LHX8: variants seen among roughly 807,000 people sequenced by gnomAD.
The protein encoded by LHX8 is LIM/homeobox protein Lhx8.
In LHX8, 12 loss-of-function variants were observed where a neutral mutation model predicts 40.3. The ratio of observed to expected loss-of-function variants is 0.30; its 90% CI spans 0.19 to 0.48. The LOEUF is 0.48. LHX8 is among the 20% of genes least tolerant of loss of function. LHX8 has a pLI of 0.99. For missense variants in LHX8, 344 were observed against 433.7 expected (o/e 0.79, Z 1.84); for synonymous variants, 179 against 162.0 (o/e 1.10, Z -0.80).
At chr1:75,149,837 C>T (rs1307777010) in intron 7 of LHX8, among the ~76,000 whole-genome samples, 1 of 152,146 alleles carries the variant, frequency 6.6e-6, no homozygotes, top group Non-Finnish European at 1.5e-5. Flanking sequence ...AATGAGCCAC[C>T]ATGCCCAGCT....
At chr1:75,188,672 C>T in the LHX8 span, among the ~76,000 whole-genome samples, 1 of 152,158 alleles carries the variant, frequency 6.6e-6, no homozygotes, top group Admixed American at 6.5e-5. Context: ...AGGAGAATTC[C>T]TTAATGTTCT....
At chr1:75,164,878 C>T (rs1001959806), downstream of LHX8, among the ~76,000 whole-genome samples, 2 of 151,886 alleles carry the variant, frequency 1.3e-5, no homozygotes, top group African/African-American at 2.4e-5. Context: ...TATAATATGA[C>T]GCACAGGCTG....
At chr1:75,140,893 T>G (rs1403051116) in intron 3 of LHX8, 92 bp from the exon 4 acceptor site, 1 of 1,252,780 alleles carries the variant, frequency 8.0e-7, no homozygotes, top group Non-Finnish European at 1.2e-6. Flanking sequence ...GTTAATATAT[T>G]AAGGGGCCAG....
At chr1:75,164,555 T>G (rs1486974760), downstream of LHX8, among the ~76,000 whole-genome samples, 1 of 152,194 alleles carries the variant, frequency 6.6e-6, no homozygotes, top group African/African-American at 2.4e-5. Context: ...AATGTTGCAC[T>G]AAATTACATC....
chr1:75,189,177 C>A, the LHX8 span, among the ~76,000 whole-genome samples: 639 of 152,320 alleles, frequency 4.2e-3, 4 homozygotes, highest in African/African-American at 0.015. Context: ...CTGGCTTCTG[C>A]CTGCACCATC....
chr1:75,176,470 C>T, the LHX8 span, among the ~76,000 whole-genome samples: 1 of 152,172 alleles, frequency 6.6e-6, no homozygotes, highest in Non-Finnish European at 1.5e-5. Flanking sequence ...TAAATGTCTT[C>T]TTTTGAGAAG....
In LHX8 at chr1:75,156,890, C is replaced by T; in HGVS notation, c.781-3C>T. 1.9e-6 allele frequency: 3 copies of T among 1,614,156 alleles called. No homozygotes were observed. The highest frequency in any genetic ancestry group is 2.5e-6 in the Non-Finnish European group (3 of 1,179,998). ...TACTTCTGTTGCTTTTCTCCCTGCT[C>T]AGGTGTGGTTTCAGAATTGTAGAGC... is the stretch of plus-strand genomic sequence containing the variant. On this transcript the variant is annotated splice_region_variant and splice_polypyrimidine_tract_variant and intron_variant, in intron 7 of 8. Transcript: ENST00000356261.
At chr1:75,189,219 C>T in the LHX8 span, among the ~76,000 whole-genome samples, 1 of 152,180 alleles carries the variant, frequency 6.6e-6, no homozygotes, top group Admixed American at 6.5e-5. Context: ...AAAACATAAG[C>T]AGGCTGCTTC....
At chr1:75,178,099 G>A in the LHX8 span, among the ~76,000 whole-genome samples, 3 of 152,134 alleles carry the variant, frequency 2.0e-5, no homozygotes, top group African/African-American at 7.2e-5. Context: ...GAGGATTTTT[G>A]CACTGATGTT....
chr1:75,134,076 G>C (rs140388254), upstream of LHX8, among the ~76,000 whole-genome samples: 1 of 151,962 alleles, frequency 6.6e-6, no homozygotes, highest in Non-Finnish European at 1.5e-5. Flanking sequence ...GATGTAACCT[G>C]AATCTTTGTT....
At chr1:75,176,789 G>A in the LHX8 span, among the ~76,000 whole-genome samples, 1 of 152,064 alleles carries the variant, frequency 6.6e-6, no homozygotes, top group East Asian at 1.9e-4. Context: ...TTTCTTCTAG[G>A]GTTTTTATGG....
At chr1:75,135,173 G>A (rs766109380) in intron 1 of LHX8, among the ~76,000 whole-genome samples, 1 of 152,324 alleles carries the variant, frequency 6.6e-6, no homozygotes. Flanking sequence ...TACCTAAAAT[G>A]CCAAAAGAAA....
the LHX8 span, among the ~76,000 whole-genome samples, chr1:75,173,994 T>C: frequency 6.6e-6 from 1 of 151,764 alleles, no homozygotes; most frequent in South Asian, 2.1e-4. Context: ...GGATTTTGGA[T>C]TTGGCAATGC....
chr1:75,179,502 G>GTTT, the LHX8 span, among the ~76,000 whole-genome samples: 478 of 107,922 alleles, frequency 4.4e-3, no homozygotes, highest in East Asian at 0.012. Flanking sequence ...AACCCCTGTT[G>GTTT]TTTTTTTTTT....
the LHX8 span, among the ~76,000 whole-genome samples, chr1:75,176,503 A>C: frequency 3.3e-5 from 5 of 152,128 alleles, no homozygotes; most frequent in African/African-American, 1.2e-4. Flanking sequence ...TCCTTTGCCC[A>C]CTTTTTGATG....
At chr1:75,163,443 T>G (rs562388022), downstream of LHX8, among the ~76,000 whole-genome samples, 2 of 152,266 alleles carry the variant, frequency 1.3e-5, no homozygotes, top group Admixed American at 1.3e-4. Context: ...CAGAAGTAAT[T>G]TAGGTTGCAA....
chr1:75,147,352 T>C (rs1479256678), intron 6 of LHX8, among the ~76,000 whole-genome samples: 1 of 152,212 alleles, frequency 6.6e-6, no homozygotes, highest in East Asian at 1.9e-4. Flanking sequence ...AGTTTTACTC[T>C]GTCAGAAACT....
At chr1:75,187,939 AAG>A in the LHX8 span, among the ~76,000 whole-genome samples, 4 of 152,136 alleles carry the variant, frequency 2.6e-5, no homozygotes, top group African/African-American at 7.2e-5. Flanking sequence ...GAGCACAAAA[AAG>A]AGTCAGCTTA....
chr1:75,196,880 C>G, the LHX8 span, among the ~76,000 whole-genome samples: 4 of 152,098 alleles, frequency 2.6e-5, no homozygotes, highest in Non-Finnish European at 5.9e-5. Flanking sequence ...GCAATCAAAG[C>G]ACATCAAGGG....
Sources: gnomAD v4.1 joint callset for allele counts (sites outside exome capture counted in the v4.1 genomes callset) on GRCh38, gnomAD v4.1.1 for gene constraint, MANE v1.5 for transcripts, NCBI Gene and HGNC (gene_info 2026-07-23, HGNC 2026-07-21) for gene names.